The following PBRM1 variants were observed in gnomAD, a reference collection of about 807,000 sequenced individuals.
PBRM1 encodes polybromo 1.
In PBRM1, 27 loss-of-function variants were observed where a neutral mutation model predicts 194.5. The observed-to-expected ratio is 0.14, with a 90% confidence interval of 0.10 to 0.19. PBRM1 has a LOEUF of 0.19. Ranked by LOEUF, PBRM1 falls within the 10% of genes least tolerant of loss-of-function variation. The pLI is 1.00. For missense variants in PBRM1, 1,466 were observed against 2,077.2 expected (o/e 0.71, Z 5.72); for synonymous variants, 655 against 693.2 (o/e 0.94, Z 0.87).
intron 26 of PBRM1, among the ~76,000 whole-genome samples, 172 bp downstream of exon 28, chr3:52,558,077 G>C (rs1183594475): frequency 1.3e-5 from 2 of 152,182 alleles, no homozygotes; most frequent in African/African-American, 4.8e-5. Flanking sequence ...TTCTGGGGCA[G>C]AAGGGAGGCA....
intron 25 of PBRM1, among the ~76,000 whole-genome samples, chr3:52,561,373 G>C (rs1244139496): frequency 3.9e-5 from 6 of 152,144 alleles, no homozygotes; most frequent in Non-Finnish European, 8.8e-5. Context: ...ACCAAGAGCT[G>C]TAACACAAGA....
chr3:52,615,246 A>G, intron 15 of PBRM1, 105 bp downstream of exon 17: 1 of 659,270 alleles, frequency 1.5e-6, no homozygotes, highest in East Asian at 2.7e-5. Context: ...GCTGGAGTAC[A>G]GTGAGTTCAA....
intron 13 of PBRM1, among the ~76,000 whole-genome samples, chr3:52,620,726 C>T (rs1490425409): frequency 6.6e-6 from 1 of 152,154 alleles, no homozygotes; most frequent in Non-Finnish European, 1.5e-5. Context: ...TATGAAACTG[C>T]TCTAATAACT....
chr3:52,669,462 G>A (rs868715264), intron 2 of PBRM1, among the ~76,000 whole-genome samples: 6 of 151,964 alleles, frequency 3.9e-5, no homozygotes, highest in African/African-American at 1.5e-4. Flanking sequence ...TGGATGTTTA[G>A]TATTTTTTCT....
At chr3:52,550,583 G>T (rs1321286512) in exon 29 of PBRM1, 2 of 1,540,252 alleles carry the variant, frequency 1.3e-6, no homozygotes, top group African/African-American at 2.8e-5. Flanking sequence ...CCAGCTGGAT[G>T]TGGGCCGGGA....
intron 22 of PBRM1, among the ~76,000 whole-genome samples, chr3:52,568,445 C>A (rs975954442): frequency 6.6e-6 from 1 of 151,984 alleles, no homozygotes; most frequent in African/African-American, 2.4e-5. Flanking sequence ...TTTGTTTTTG[C>A]CAGTTTTGGT....
At chr3:52,605,791 C>T (rs549771659) in intron 16 of PBRM1, among the ~76,000 whole-genome samples, 165 of 151,510 alleles carry the variant, frequency 1.1e-3, no homozygotes, top group African/African-American at 3.8e-3. Flanking sequence ...TTAGTAGAAA[C>T]GAGGCTTCAC....
At chr3:52,650,324 A>G (rs2096453653) in intron 6 of PBRM1, among the ~76,000 whole-genome samples, 1 of 145,724 alleles carries the variant, frequency 6.9e-6, no homozygotes, top group Non-Finnish European at 1.5e-5. Flanking sequence ...AGATCATGCC[A>G]CTGCACTCCA....
rs140943265 is a variant in PBRM1 at position 52,673,732 on chromosome 3, A to T, written c.236+4768T>A. 7.4e-3 allele frequency among the ~76,000 whole-genome samples: 1,124 copies of T among 150,932 alleles called. 10 individuals are homozygous for T. Among genetic ancestry groups the T allele is most frequent in the Non-Finnish European group, 0.011 (770 of 67,740 alleles). ...GAATTAGAGAAAAGAAGAGCAAACT[A>T]AACCCAAAGCTAGCAGTAGATAATA... On this transcript the variant is annotated intron_variant, in intron 2 of 29. Transcript: ENST00000296302.
At chr3:52,640,114 T>C (rs941354359) in intron 10 of PBRM1, among the ~76,000 whole-genome samples, 1 of 152,146 alleles carries the variant, frequency 6.6e-6, no homozygotes, top group Non-Finnish European at 1.5e-5. Flanking sequence ...CTACCATCAT[T>C]AGGCAATCCT....
intron 1 of PBRM1, 88 bp downstream of exon 2, chr3:52,679,486 C>T: frequency 8.4e-7 from 1 of 1,190,668 alleles, no homozygotes; most frequent in Non-Finnish European, 1.2e-6. Context: ...AGTGGAGATG[C>T]CTTGCATCGT....
intron 13 of PBRM1, among the ~76,000 whole-genome samples, chr3:52,618,220 T>C (rs1004175379): frequency 6.6e-6 from 1 of 152,218 alleles, no homozygotes; most frequent in African/African-American, 2.4e-5. Context: ...TCCTTGAGCA[T>C]GAATCCGTCT....
At chr3:52,656,050 T>C (rs1463596236) in intron 5 of PBRM1, among the ~76,000 whole-genome samples, 1 of 152,196 alleles carries the variant, frequency 6.6e-6, no homozygotes, top group African/African-American at 2.4e-5. Flanking sequence ...AGTGCTACCA[T>C]GGAGTACTTC....
At chr3:52,685,849 G>T, upstream of PBRM1, 1 of 490,758 alleles carries the variant, frequency 2.0e-6, no homozygotes, top group Non-Finnish European at 3.6e-6. Flanking sequence ...GGCCGCGGCC[G>T]CTGCCGTCGC....
chr3:52,649,948 T>G (rs998116745), intron 6 of PBRM1, among the ~76,000 whole-genome samples: 5 of 152,198 alleles, frequency 3.3e-5, no homozygotes, highest in Non-Finnish European at 1.5e-5. Context: ...ATAGAGATGA[T>G]TAAAGATCTG....
At chr3:52,643,829 G>A (rs182191988) in intron 8 of PBRM1, among the ~76,000 whole-genome samples, 2 of 152,176 alleles carry the variant, frequency 1.3e-5, no homozygotes, top group Admixed American at 6.5e-5. Context: ...AAGATTAGCC[G>A]GGCATGGTGG....
At chr3:52,672,443 A>T (rs1578181452) in intron 2 of PBRM1, among the ~76,000 whole-genome samples, 1 of 146,170 alleles carries the variant, frequency 6.8e-6, no homozygotes. Flanking sequence ...ACACACTCAT[A>T]TACGTTTTCA....
chr3:52,556,804 G>T (rs1029919690), intron 26 of PBRM1, among the ~76,000 whole-genome samples: 1 of 152,122 alleles, frequency 6.6e-6, no homozygotes, highest in African/African-American at 2.4e-5. Context: ...CACTCCCAGG[G>T]CCCAGAAGTC....
At chr3:52,685,625 C>G (rs2097301235) in intron 1 of PBRM1, 124 bp downstream of exon 1, 2 of 148,208 alleles carry the variant, frequency 1.3e-5, no homozygotes, top group South Asian at 4.1e-4. Context: ...GCGCCCGGCC[C>G]GACCCGCGCG....
Sources: allele counts gnomAD v4.1 joint callset (sites outside exome capture counted in the v4.1 genomes callset), GRCh38; gene constraint gnomAD v4.1.1; transcripts MANE v1.5; gene names NCBI Gene and HGNC (gene_info 2026-07-23, HGNC 2026-07-21).